The following MFHAS1 variants were observed in gnomAD, a reference collection of about 807,000 sequenced individuals.
MFHAS1 encodes malignant fibrous histiocytoma-amplified sequence 1.
Under a neutral mutation model 70.4 loss-of-function variants are expected in MFHAS1, and 50 were observed. That is an observed-to-expected ratio of 0.71 (90% confidence interval 0.57 to 0.90). The LOEUF is 0.90. Ranked by LOEUF, MFHAS1 falls within the 40% of genes least tolerant of loss-of-function variation. The pLI is 0.00. For missense variants in MFHAS1, 1,795 were observed against 1,347.6 expected, an observed-to-expected ratio of 1.33 and a Z score of -5.20; for synonymous variants, 952 against 620.0, an observed-to-expected ratio of 1.54 and a Z score of -7.96.
intron 1 of MFHAS1, among the ~76,000 whole-genome samples, chr8:8,846,405 C>T (rs534062942): frequency 9.2e-5 from 14 of 151,904 alleles, no homozygotes; most frequent in Middle Eastern, 3.4e-3. Context: ...TCACCAGCTC[C>T]ACTGCTACTA....
Position 8,793,176 on chromosome 8 carries a change from CAA to C in MFHAS1, c.3125+4187_3125+4188del, listed in dbSNP as rs59796124. On this transcript the variant is annotated intron_variant, in intron 2 of 2. Coordinates refer to ENST00000276282, the MANE Select transcript of MFHAS1 (RefSeq NM_004225.3). The stretch of plus-strand genomic sequence containing the variant: ...ATAAGAGTAAATCATGTTGTTAAAA[CAA>C]AAAAAAAAATATCACTACCTACTTC... 6.5e-3 allele frequency among the ~76,000 whole-genome samples: 937 copies of C among 145,104 alleles called. 10 individuals are homozygous for C. The highest frequency in any genetic ancestry group is 0.05 in the South Asian group (231 of 4,606).
intron 1 of MFHAS1, among the ~76,000 whole-genome samples, chr8:8,880,645 G>C (rs2116927876): frequency 6.6e-6 from 1 of 152,002 alleles, no homozygotes; most frequent in African/African-American, 2.4e-5. Flanking sequence ...CTGGGTGCTG[G>C]GGGCTGTCGG....
At chr8:8,833,676 C>A (rs1807492559) in intron 1 of MFHAS1, among the ~76,000 whole-genome samples, 1 of 152,066 alleles carries the variant, frequency 6.6e-6, no homozygotes, top group Non-Finnish European at 1.5e-5. Context: ...GCTAGACATG[C>A]ACTTTCCATA....
At chr8:8,810,401 C>T (rs982842182) in intron 1 of MFHAS1, among the ~76,000 whole-genome samples, 1 of 152,150 alleles carries the variant, frequency 6.6e-6, no homozygotes, top group African/African-American at 2.4e-5. Flanking sequence ...ATACAGTCAA[C>T]TCCTGAACAA....
At position 8,893,277 on chromosome 8, in the gene MFHAS1, T is replaced by G. The variant is rs1810172252; in HGVS notation, c.-219A>C. ...GACGCCGAGCGCGTGGAGAGCAGCTTGCATTCTCCCTGCGGCCGGGCCATG... is the reference window on the plus strand; with the variant it reads ...GACGCCGAGCGCGTGGAGAGCAGCTGGCATTCTCCCTGCGGCCGGGCCATG... On this transcript the variant is annotated 5_prime_UTR_variant, in exon 1 of 3. Coordinates refer to ENST00000276282, the MANE Select transcript of MFHAS1 (RefSeq NM_004225.3). The G allele has an allele frequency of 6.5e-6, 1 of 153,796 alleles. No homozygotes were observed. The highest frequency in any genetic ancestry group is 2.5e-5 in the African/African-American group (1 of 40,516). The allele number at this position is 153,796 out of a possible 1,614,324, so 9.5% of individuals were successfully genotyped here.
At chr8:8,804,486 C>T (rs1303085491) in intron 1 of MFHAS1, among the ~76,000 whole-genome samples, 1 of 152,250 alleles carries the variant, frequency 6.6e-6, no homozygotes, top group Non-Finnish European at 1.5e-5. Flanking sequence ...GAAGTCTTAG[C>T]AGTCACAGAG....
At chr8:8,835,439 C>A (rs1016019575) in intron 1 of MFHAS1, among the ~76,000 whole-genome samples, 2 of 152,144 alleles carry the variant, frequency 1.3e-5, no homozygotes, top group Non-Finnish European at 2.9e-5. Flanking sequence ...CATGCAGCCG[C>A]CATCTCAGTG....
intron 1 of MFHAS1, among the ~76,000 whole-genome samples, chr8:8,841,889 T>C (rs538649472): frequency 2.0e-5 from 3 of 152,334 alleles, no homozygotes; most frequent in East Asian, 1.9e-4. Flanking sequence ...GGCAACCTTA[T>C]GTGAGATTTT....
chr8:8,817,589 A>T (rs1054832961), intron 1 of MFHAS1, among the ~76,000 whole-genome samples: 1 of 152,230 alleles, frequency 6.6e-6, no homozygotes, highest in African/African-American at 2.4e-5. Context: ...CCCAGCCCGC[A>T]GATGGGGGGG....
intron 1 of MFHAS1, among the ~76,000 whole-genome samples, chr8:8,874,463 A>C (rs969110983): frequency 6.6e-6 from 1 of 152,210 alleles, no homozygotes; most frequent in African/African-American, 2.4e-5. Context: ...GGTGCAGAAC[A>C]AGGAGTACAG....
intron 2 of MFHAS1, among the ~76,000 whole-genome samples, chr8:8,788,020 T>C (rs966076832): frequency 6.6e-6 from 1 of 152,232 alleles, no homozygotes; most frequent in Admixed American, 6.5e-5. Context: ...TCAAGATCCA[T>C]CTCAAGTACG....
At chr8:8,840,767 A>C (rs1807790894) in intron 1 of MFHAS1, among the ~76,000 whole-genome samples, 1 of 152,218 alleles carries the variant, frequency 6.6e-6, no homozygotes, top group African/African-American at 2.4e-5. Flanking sequence ...TTCTAGTCGA[A>C]TTCTATGTAC....
At chr8:8,857,192 T>TA (rs1234685826) in intron 1 of MFHAS1, among the ~76,000 whole-genome samples, 3 of 152,128 alleles carry the variant, frequency 2.0e-5, no homozygotes, top group Non-Finnish European at 4.4e-5. Flanking sequence ...AATAAAGATT[T>TA]AAACAGAAAG....
rs146192280 is a variant in MFHAS1, at chr8:8,832,533, C to T, written c.2999-35042G>A. ...ATCAGAAACACAAACAGAAACCTTACGAAGATACACAACATAACCACTAGA... is the reference window on the plus strand; with the variant it reads ...ATCAGAAACACAAACAGAAACCTTATGAAGATACACAACATAACCACTAGA... On this transcript the variant is annotated intron_variant, in intron 1 of 2. Coordinates refer to ENST00000276282, the MANE Select transcript of MFHAS1 (RefSeq NM_004225.3). Among the ~76,000 whole-genome samples, 200 of 151,040 alleles carry T rather than the reference C, an allele frequency of 1.3e-3. 1 individual carries two copies. The highest frequency in any genetic ancestry group is 4.6e-3 in the African/African-American group (191 of 41,196).
At chr8:8,805,124 C>T (rs1457444105) in intron 1 of MFHAS1, among the ~76,000 whole-genome samples, 1 of 152,174 alleles carries the variant, frequency 6.6e-6, no homozygotes, top group Non-Finnish European at 1.5e-5. Flanking sequence ...CCTTCCAATG[C>T]ATTTGGTAAA....
chr8:8,836,589 G>C (rs1807604019), intron 1 of MFHAS1, among the ~76,000 whole-genome samples: 1 of 151,998 alleles, frequency 6.6e-6, no homozygotes, highest in African/African-American at 2.4e-5. Flanking sequence ...TGTTGCCCAG[G>C]TTAGTCTCAA....
At chr8:8,887,577 A>G (rs923606457) in intron 1 of MFHAS1, among the ~76,000 whole-genome samples, 4 of 149,896 alleles carry the variant, frequency 2.7e-5, no homozygotes, top group Admixed American at 6.7e-5. Context: ...TTTTATAATT[A>G]TATGTATATG....
intron 1 of MFHAS1, among the ~76,000 whole-genome samples, chr8:8,868,050 C>A (rs1190170015): frequency 6.6e-6 from 1 of 152,076 alleles, no homozygotes; most frequent in Non-Finnish European, 1.5e-5. Flanking sequence ...TCTGTCCAGA[C>A]TGACTTTTAT....
intron 1 of MFHAS1, among the ~76,000 whole-genome samples, chr8:8,865,525 A>G (rs931374676): frequency 6.6e-6 from 1 of 152,194 alleles, no homozygotes; most frequent in African/African-American, 2.4e-5. Flanking sequence ...GACCCCTCCC[A>G]GGACAGCCCT....
Sources: allele counts gnomAD v4.1 joint callset (sites outside exome capture counted in the v4.1 genomes callset), GRCh38; gene constraint gnomAD v4.1.1; transcripts MANE v1.5; gene names NCBI Gene and HGNC (gene_info 2026-07-23, HGNC 2026-07-21).